Variants in FHOD3 observed in about 807,000 individuals in gnomAD.
The protein encoded by FHOD3 is formin homology 2 domain containing 3.
Under a neutral mutation model 173.0 loss-of-function variants are expected in FHOD3, and 90 were observed. The observed-to-expected ratio is 0.52, with a 90% CI of 0.44 to 0.62. The LOEUF (loss-of-function observed/expected upper bound fraction) is 0.62, where lower values mean the gene tolerates loss of function less well. Among genes scored for constraint, FHOD3 ranks in the 20% least tolerant of loss-of-function variants. The pLI is 0.00. For missense variants in FHOD3, 1,945 were observed against 2,034.7 expected, an observed-to-expected ratio of 0.96 and a Z score of 0.85; for synonymous variants, 828 against 823.0, an observed-to-expected ratio of 1.01 and a Z score of -0.10.
chr18:36,746,914 G>C, intron 23 of FHOD3, 31 bp from the exon 24 acceptor site: 1 of 1,560,314 alleles, frequency 6.4e-7, no homozygotes. Context: ...GGCGGTTTCA[G>C]TGTTTGCAGT....
Position 36,344,044 on chromosome 18 carries a change from C to T in FHOD3, c.166-11495C>T, listed in dbSNP as rs1030118620. On this transcript the variant is annotated intron_variant, in intron 1 of 28. Transcript: ENST00000590592. ...ACAACTCTGTGAATATACTATAAGC[C>T]GGAGAATTATGCACTTGAAATAGGT... Among the ~76,000 whole-genome samples the T allele has an allele frequency of 5.3e-5, 8 of 152,048 alleles. 1 individual carries two copies. Among genetic ancestry groups the T allele is most frequent in the Non-Finnish European group, 1.0e-4 (7 of 68,004 alleles).
chr18:36,458,593 C>T (rs187997745), intron 3 of FHOD3, among the ~76,000 whole-genome samples: 2 of 150,574 alleles, frequency 1.3e-5, no homozygotes, highest in Admixed American at 6.7e-5. Flanking sequence ...TCTTCTGCTA[C>T]AATGAGGGGA....
intron 5 of FHOD3, among the ~76,000 whole-genome samples, chr18:36,546,298 T>C (rs1404989240): frequency 1.4e-4 from 21 of 152,204 alleles, no homozygotes; most frequent in Admixed American, 1.4e-3. Context: ...CCTTGGCCTT[T>C]TTTATTCCAC....
chr18:36,522,282 G>A (rs1011642097), intron 5 of FHOD3, among the ~76,000 whole-genome samples: 2 of 152,202 alleles, frequency 1.3e-5, no homozygotes, highest in Non-Finnish European at 2.9e-5. Context: ...CACTACTTGT[G>A]AGAAAGCTGC....
intron 10 of FHOD3, among the ~76,000 whole-genome samples, chr18:36,635,465 G>A (rs1048143729): frequency 3.9e-5 from 6 of 152,210 alleles, no homozygotes; most frequent in African/African-American, 1.2e-4. Context: ...GGGAGAGCAG[G>A]CTGCACAAAG....
chr18:36,539,577 T>C (rs775437718), intron 5 of FHOD3, among the ~76,000 whole-genome samples: 8 of 151,964 alleles, frequency 5.3e-5, no homozygotes, highest in Non-Finnish European at 8.8e-5. Flanking sequence ...GTGGCAAAAA[T>C]GGGGACTCAG....
chr18:36,352,240 CT>C (rs931330165), intron 1 of FHOD3, among the ~76,000 whole-genome samples: 7 of 151,488 alleles, frequency 4.6e-5, no homozygotes, highest in Admixed American at 1.3e-4. Flanking sequence ...TGAGACCCCC[CT>C]GCTACAAAAA....
intron 13 of FHOD3, among the ~76,000 whole-genome samples, chr18:36,656,914 T>C (rs1300164847): frequency 1.3e-5 from 2 of 152,184 alleles, no homozygotes; most frequent in Admixed American, 1.3e-4. Context: ...AGGAGCTTTC[T>C]GGAAAGAAAA....
chr18:36,774,757 G>A (rs1049067562), intron 28 of FHOD3, among the ~76,000 whole-genome samples: 6 of 152,118 alleles, frequency 3.9e-5, no homozygotes, highest in African/African-American at 9.7e-5. Flanking sequence ...ACTATTAACC[G>A]AACTGTAGGC....
intron 18 of FHOD3, chr18:36,711,576 A>G (rs2040175525): frequency 1.3e-5 from 2 of 152,232 alleles, no homozygotes; most frequent in South Asian, 2.1e-4. Flanking sequence ...GGGTCTCACA[A>G]AACAATCGAT....
At chr18:36,569,510 T>G (rs1031858323) in intron 5 of FHOD3, among the ~76,000 whole-genome samples, 8 of 152,146 alleles carry the variant, frequency 5.3e-5, no homozygotes, top group African/African-American at 1.9e-4. Flanking sequence ...TACTTCTTTT[T>G]TGGTAATCAA....
chr18:36,510,388 A>C (rs1420462212), intron 4 of FHOD3, among the ~76,000 whole-genome samples: 1 of 152,196 alleles, frequency 6.6e-6, no homozygotes, highest in Non-Finnish European at 1.5e-5. Flanking sequence ...ATTATCAATA[A>C]ATTTCTCCTT....
At chr18:36,575,610 T>C (rs1410731329) in intron 5 of FHOD3, among the ~76,000 whole-genome samples, 1 of 152,238 alleles carries the variant, frequency 6.6e-6, no homozygotes, top group Non-Finnish European at 1.5e-5. Flanking sequence ...TTTAGAAAAA[T>C]GTCAATGCCC....
At chr18:36,338,404 CT>C (rs2045434938) in intron 1 of FHOD3, among the ~76,000 whole-genome samples, 1 of 152,130 alleles carries the variant, frequency 6.6e-6, no homozygotes, top group Non-Finnish European at 1.5e-5. Context: ...GGAAACCTGG[CT>C]TTTTATGTAC....
At chr18:36,461,073 G>A (rs2052521407) in intron 3 of FHOD3, among the ~76,000 whole-genome samples, 1 of 152,176 alleles carries the variant, frequency 6.6e-6, no homozygotes, top group Non-Finnish European at 1.5e-5. Flanking sequence ...ATAGCTCACG[G>A]CAGGGGATCC....
chr18:36,548,369 A>G (rs1323575745), intron 5 of FHOD3, among the ~76,000 whole-genome samples: 1 of 152,198 alleles, frequency 6.6e-6, no homozygotes, highest in African/African-American at 2.4e-5. Context: ...CTCTTTTGTT[A>G]GGTTCAGCCG....
chr18:36,724,385 AC>A (rs1484974311), intron 19 of FHOD3, among the ~76,000 whole-genome samples: 1 of 152,168 alleles, frequency 6.6e-6, no homozygotes, highest in Non-Finnish European at 1.5e-5. Context: ...CGGACTCCCA[AC>A]CCAGGTAGCT....
chr18:36,305,967 A>G (rs1268206977), intron 1 of FHOD3, among the ~76,000 whole-genome samples: 1 of 152,196 alleles, frequency 6.6e-6, no homozygotes, highest in Non-Finnish European at 1.5e-5. Context: ...TGGGGTTGAG[A>G]CAAGTCGTTG....
At chr18:36,583,419 C>T (rs559182841) in intron 6 of FHOD3, among the ~76,000 whole-genome samples, 1 of 152,320 alleles carries the variant, frequency 6.6e-6, no homozygotes, top group South Asian at 2.1e-4. Context: ...CCTGCCCCTG[C>T]CCTAGGAGTA....
Sources: gnomAD v4.1 joint callset for allele counts (sites outside exome capture counted in the v4.1 genomes callset) on GRCh38, gnomAD v4.1.1 for gene constraint, MANE v1.5 for transcripts, NCBI Gene and HGNC (gene_info 2026-07-23, HGNC 2026-07-21) for gene names.